The following TAF4B variants were observed in gnomAD, a reference collection of about 807,000 sequenced individuals.
TAF4B encodes the protein TATA-box binding protein associated factor 4b.
Under a neutral mutation model 86.4 loss-of-function variants are expected in TAF4B, and 38 were observed. The observed-to-expected ratio is 0.44, with a 90% CI of 0.34 to 0.58. The LOEUF is 0.58. TAF4B is among the 20% of genes least tolerant of loss of function. The pLI is 0.02. For synonymous variants in TAF4B, 388 were observed against 391.2 expected (o/e 0.99, Z 0.10); for missense variants, 988 against 1,027.6 (o/e 0.96, Z 0.53).
At chr18:26,364,404 C>T (rs552991990) in intron 14 of TAF4B, among the ~76,000 whole-genome samples, 7 of 145,200 alleles carry the variant, frequency 4.8e-5, no homozygotes, top group African/African-American at 9.8e-5. Context: ...TAATGTAGGC[C>T]GTACAGATAT....
chr18:26,385,460 A>G (rs79249826), intron 14 of TAF4B, among the ~76,000 whole-genome samples: 2,955 of 152,264 alleles, frequency 0.019, 80 homozygotes, highest in African/African-American at 0.068. Flanking sequence ...GAAGGCTAAC[A>G]TAATTGATCT....
At chr18:26,247,465 C>T (rs898463425) in intron 1 of TAF4B, among the ~76,000 whole-genome samples, 1 of 151,964 alleles carries the variant, frequency 6.6e-6, no homozygotes, top group Non-Finnish European at 1.5e-5. Context: ...CCTACCTGTC[C>T]CTATTTTTTA....
At chr18:26,350,037 C>T (rs1288848656) in intron 13 of TAF4B, among the ~76,000 whole-genome samples, 1 of 152,144 alleles carries the variant, frequency 6.6e-6, no homozygotes, top group African/African-American at 2.4e-5. Flanking sequence ...TACACCTCCA[C>T]CTCTTACCCT....
At chr18:26,354,113 T>C (rs2057267193) in intron 13 of TAF4B, among the ~76,000 whole-genome samples, 3 of 152,350 alleles carry the variant, frequency 2.0e-5, no homozygotes. Flanking sequence ...TCTCACTCTG[T>C]TGCCCAAGCT....
intron 14 of TAF4B, among the ~76,000 whole-genome samples, chr18:26,383,083 T>C (rs1978299971): frequency 1.3e-5 from 2 of 152,174 alleles, no homozygotes; most frequent in African/African-American, 4.8e-5. Flanking sequence ...TAATCAATAG[T>C]TTGAGACAAG....
At chr18:26,245,926 A>C (rs969435091) in intron 1 of TAF4B, among the ~76,000 whole-genome samples, 5 of 152,206 alleles carry the variant, frequency 3.3e-5, no homozygotes, top group African/African-American at 4.8e-5. Context: ...CTGCTGTTAA[A>C]AATGATGCTG....
intron 1 of TAF4B, among the ~76,000 whole-genome samples, chr18:26,235,692 C>G (rs1184861063): frequency 6.6e-6 from 1 of 152,130 alleles, no homozygotes. Context: ...TCCTCAAAGG[C>G]AAAGAGAAAC....
At chr18:26,361,660 A>G (rs2057331842) in intron 14 of TAF4B, among the ~76,000 whole-genome samples, 1 of 148,676 alleles carries the variant, frequency 6.7e-6, no homozygotes, top group Non-Finnish European at 1.5e-5. Context: ...CAGGAGAATC[A>G]CTTGAACCCG....
At chr18:26,336,055 A>G (rs1241089025) in intron 13 of TAF4B, among the ~76,000 whole-genome samples, 1 of 152,086 alleles carries the variant, frequency 6.6e-6, no homozygotes, top group African/African-American at 2.4e-5. Flanking sequence ...GAAATTTTTC[A>G]CTTGACCTAC....
Position 26,278,919 on chromosome 18 carries a change from C to G in TAF4B, c.883-3052C>G, listed in dbSNP as rs147530597. ...TGAAAATAGTCTTGCAGATCCATAG[C>G]CAACATCATATTGAATGGGCAGAAG... is the stretch of plus-strand genomic sequence containing the variant. On this transcript the variant is annotated intron_variant, in intron 5 of 14. Coordinates refer to ENST00000269142, the MANE Select transcript of TAF4B (RefSeq NM_005640.3). 2.0e-3 allele frequency among the ~76,000 whole-genome samples: 307 copies of G among 151,994 alleles called. 1 individual carries two copies. Among genetic ancestry groups the G allele is most frequent in the African/African-American group, 7.2e-3 (298 of 41,476 alleles).
chr18:26,381,363 T>C (rs920200581), intron 14 of TAF4B, among the ~76,000 whole-genome samples: 3 of 151,992 alleles, frequency 2.0e-5, no homozygotes, highest in African/African-American at 4.8e-5. Flanking sequence ...AGGTACAATG[T>C]GCATCCTTAA....
At position 26,226,910 on chromosome 18, in the gene TAF4B, A is replaced by C. The variant is rs1054917197; in HGVS notation, c.-24A>C. 5.2e-6 allele frequency: 7 copies of C among 1,348,852 alleles called. No individual in the cohort carries two copies. The African/African-American group carries it at 1.1e-4, about 21-fold the overall frequency. The allele number at this position is 1,348,852 out of a possible 1,614,324, so 83.6% of individuals were successfully genotyped here. On this transcript the variant is annotated 5_prime_UTR_variant, in exon 1 of 15. Transcript: ENST00000269142. ...CTCTGCTCCCGGAACCGCAGCGCCA[A>C]AGCTGCCGCTGAGCCCCTGGGGGAT...
chr18:26,246,186 T>C (rs1217716810), intron 1 of TAF4B, among the ~76,000 whole-genome samples: 2 of 152,120 alleles, frequency 1.3e-5, no homozygotes, highest in African/African-American at 4.8e-5. Flanking sequence ...AGCATTGAAA[T>C]TGAGGGGGAA....
At chr18:26,380,833 G>A (rs1025764645) in intron 14 of TAF4B, among the ~76,000 whole-genome samples, 2 of 151,608 alleles carry the variant, frequency 1.3e-5, no homozygotes, top group African/African-American at 4.9e-5. Context: ...TTCACTTGGA[G>A]TGTTTGGTTC....
At chr18:26,323,550 CAG>C (rs1287269326) in intron 11 of TAF4B, among the ~76,000 whole-genome samples, 12 of 144,770 alleles carry the variant, frequency 8.3e-5, no homozygotes, top group Non-Finnish European at 1.7e-4. Flanking sequence ...TTTTTTGAGA[CAG>C]GGGCTCACTA....
chr18:26,316,902 C>T (rs868193397), intron 10 of TAF4B, among the ~76,000 whole-genome samples: 41 of 152,212 alleles, frequency 2.7e-4, no homozygotes, highest in Admixed American at 2.3e-3. Flanking sequence ...AGTCTCAGCA[C>T]TAAACCTTCC....
intron 12 of TAF4B, among the ~76,000 whole-genome samples, chr18:26,334,639 A>G (rs1392993309): frequency 6.6e-6 from 1 of 152,240 alleles, no homozygotes; most frequent in Non-Finnish European, 1.5e-5. Flanking sequence ...TAGAGGACCC[A>G]AAGATGATAA....
intron 6 of TAF4B, among the ~76,000 whole-genome samples, chr18:26,285,224 T>TTTTGTTTTTG (rs1555677510): frequency 4.9e-5 from 6 of 122,842 alleles, no homozygotes; most frequent in African/African-American, 1.6e-4. Flanking sequence ...TTTTTTTTGT[T>TTTTGTTTTTG]TTTTTTTTTT....
chr18:26,363,065 C>T (rs1037653520), intron 14 of TAF4B, among the ~76,000 whole-genome samples: 1 of 151,926 alleles, frequency 6.6e-6, no homozygotes, highest in Non-Finnish European at 1.5e-5. Context: ...GGGACTTGAG[C>T]GTCTTTGGTT....
Sources: gnomAD v4.1 joint callset for allele counts (sites outside exome capture counted in the v4.1 genomes callset) on GRCh38, gnomAD v4.1.1 for gene constraint, MANE v1.5 for transcripts, NCBI Gene and HGNC (gene_info 2026-07-23, HGNC 2026-07-21) for gene names.